Variants in GCNT2 observed in about 807,000 individuals in gnomAD.
GCNT2 encodes the protein glucosaminyl (N-acetyl) transferase 2 (I blood group).
Under a neutral mutation model 34.2 loss-of-function variants are expected in GCNT2, and 34 were observed. The ratio of observed to expected loss-of-function variants is 1.00; its 90% confidence interval spans 0.76 to 1.32. The LOEUF (loss-of-function observed/expected upper bound fraction) is 1.32, where lower values mean the gene tolerates loss of function less well. GCNT2 is among the 40% of genes most tolerant of loss of function. The probability of loss-of-function intolerance (pLI) is 0.00; values close to 1 mark genes in which losing one functional copy is unlikely to be tolerated. For synonymous variants in GCNT2, 212 were observed against 188.0 expected (o/e 1.13, Z -1.04); for missense variants, 584 against 489.4 (o/e 1.19, Z -1.82).
At chr6:10,621,884 C>A (rs918665039) in intron 4 of GCNT2, among the ~76,000 whole-genome samples, 2 of 151,304 alleles carry the variant, frequency 1.3e-5, no homozygotes, top group African/African-American at 4.9e-5. Flanking sequence ...TTTTTTTTTT[C>A]TTGTAGAGTC....
intron 3 of GCNT2, among the ~76,000 whole-genome samples, chr6:10,568,094 G>A (rs144492445): frequency 1.2e-4 from 18 of 152,166 alleles, no homozygotes; most frequent in South Asian, 4.1e-4. Context: ...AGTTTACTTC[G>A]TGGCTCTTGC....
intron 1 of GCNT2, among the ~76,000 whole-genome samples, chr6:10,524,960 A>G (rs1761117122): frequency 6.6e-6 from 1 of 152,124 alleles, no homozygotes; most frequent in African/African-American, 2.4e-5. Flanking sequence ...ACAGACACTG[A>G]GAAAGTTTCC....
intron 3 of GCNT2, among the ~76,000 whole-genome samples, chr6:10,568,217 G>A (rs937197382): frequency 1.2e-4 from 18 of 151,794 alleles, no homozygotes; most frequent in African/African-American, 4.4e-4. Flanking sequence ...ACATCTCCTT[G>A]TTTTTTGGAT....
intron 3 of GCNT2, among the ~76,000 whole-genome samples, chr6:10,592,492 T>C (rs547404011): frequency 3.3e-5 from 5 of 152,272 alleles, no homozygotes; most frequent in South Asian, 2.1e-4. Context: ...CATCATAAGA[T>C]GCTGGGCTCC....
At chr6:10,621,225 T>C (rs1487623676) in intron 3 of GCNT2, 126 bp from the exon 4 acceptor site, 4 of 714,936 alleles carry the variant, frequency 5.6e-6, no homozygotes, top group Non-Finnish European at 1.0e-5. Flanking sequence ...TACATACCAA[T>C]CTGTGTGAAA....
chr6:10,600,957 A>G (rs1765065295), intron 3 of GCNT2, among the ~76,000 whole-genome samples: 1 of 151,770 alleles, frequency 6.6e-6, no homozygotes, highest in African/African-American at 2.4e-5. Context: ...CACCCAGCAA[A>G]TTTTTTGTAT....
At chr6:10,625,193 T>C (rs1766205437) in intron 4 of GCNT2, among the ~76,000 whole-genome samples, 1 of 152,238 alleles carries the variant, frequency 6.6e-6, no homozygotes, top group African/African-American at 2.4e-5. Context: ...TCACAGACAT[T>C]AACTTTGAAC....
At chr6:10,584,549 G>A (rs112830753) in intron 3 of GCNT2, among the ~76,000 whole-genome samples, 4 of 152,192 alleles carry the variant, frequency 2.6e-5, no homozygotes, top group Non-Finnish European at 4.4e-5. Flanking sequence ...CCCTTCCCAC[G>A]AGGCCGTATC....
At chr6:10,549,905 A>G (rs1175487533) in intron 3 of GCNT2, among the ~76,000 whole-genome samples, 2 of 152,118 alleles carry the variant, frequency 1.3e-5, no homozygotes, top group South Asian at 2.1e-4. Context: ...TCTCATTTAA[A>G]TATAAGCACC....
At chr6:10,564,640 C>T (rs1437210053) in intron 3 of GCNT2, among the ~76,000 whole-genome samples, 1 of 152,224 alleles carries the variant, frequency 6.6e-6, no homozygotes, top group Non-Finnish European at 1.5e-5. Flanking sequence ...GGCTCTGTCA[C>T]TTAGAAGTTG....
chr6:10,539,175 C>T (rs1012737781), intron 3 of GCNT2, among the ~76,000 whole-genome samples: 4 of 91,876 alleles, frequency 4.4e-5, no homozygotes, highest in East Asian at 4.7e-4. Flanking sequence ...TACAGCTCAC[C>T]GTCTCTTTTT....
chr6:10,621,226 CTG>C (rs1271715492), intron 3 of GCNT2, 123 bp from the exon 4 acceptor site: 2 of 716,232 alleles, frequency 2.8e-6, no homozygotes, highest in East Asian at 2.8e-5. Context: ...ACATACCAAT[CTG>C]TGTGAAATGC....
chr6:10,539,180 C>CTTTTTTTTTTTTTTT lies in GCNT2; in HGVS notation c.925+9356_925+9370dup, dbSNP rs71548847. Among the ~76,000 whole-genome samples, 22 of 65,328 alleles carry CTTTTTTTTTTTTTTT rather than the reference C, an allele frequency of 3.4e-4. 3 individuals carry two copies. The highest frequency in any genetic ancestry group is 6.1e-4 in the Non-Finnish European group (22 of 36,198). The allele number at this position is 65,328 out of a possible 152,430, so 42.9% of individuals were successfully genotyped here. On this transcript the variant is annotated intron_variant, in intron 3 of 4. Coordinates refer to ENST00000495262, the MANE Select transcript of GCNT2 (RefSeq NM_145649.5). ...AGCCTATCTCTACAGCTCACCGTCT[C>CTTTTTTTTTTTTTTT]TTTTTTTTTTTTTTTTTTTTTTTTT... is the stretch of plus-strand genomic sequence containing the variant.
intron 3 of GCNT2, chr6:10,556,796 CA>C (rs1762730428): frequency 6.2e-7 from 1 of 1,614,124 alleles, no homozygotes; most frequent in Non-Finnish European, 8.5e-7. Context: ...CTACTGTGTT[CA>C]TGTGGATGAA....
In GCNT2 at chr6:10,529,037, T is replaced by G. The variant is rs781251026; in HGVS notation, c.126T>G (p.Ala42=). Residue 42 remains alanine, a synonymous_variant, in exon 3 of 5, where the codon GCT becomes GCG. Transcript: ENST00000495262. The part of the protein sequence containing the change: ...KRFLRAALSN[A]SLLAEACHQI... ...TTCTGAGGGCAGCTCTGTCCAATGC[T>G]TCACTGTTAGCAGAAGCCTGTCATC... 4 of 1,614,054 alleles carry G rather than the reference T, an allele frequency of 2.5e-6. No individual in the cohort carries two copies. In the African/African-American group the frequency reaches 5.3e-5, roughly 22 times the overall value.
chr6:10,574,765 G>T, intron 3 of GCNT2: 1 of 584,878 alleles, frequency 1.7e-6, no homozygotes. Flanking sequence ...GAATTCGTAG[G>T]GAAGAGGTTC....
At chr6:10,606,948 T>G (rs1765349070) in intron 3 of GCNT2, among the ~76,000 whole-genome samples, 1 of 151,900 alleles carries the variant, frequency 6.6e-6, no homozygotes, top group African/African-American at 2.4e-5. Context: ...TTATTTATTT[T>G]TATTATTTAT....
At chr6:10,586,746 T>G (rs1764368863) in intron 3 of GCNT2, 1 of 1,614,158 alleles carries the variant, frequency 6.2e-7, no homozygotes, top group Non-Finnish European at 8.5e-7. Context: ...TTTGAAAACT[T>G]CACCTCCACA....
At chr6:10,546,826 T>A (rs1459314674) in intron 3 of GCNT2, among the ~76,000 whole-genome samples, 1 of 152,114 alleles carries the variant, frequency 6.6e-6, no homozygotes, top group Non-Finnish European at 1.5e-5. Flanking sequence ...TTAAGAAAAA[T>A]AAAACATGTC....
Sources: allele counts gnomAD v4.1 joint callset (sites outside exome capture counted in the v4.1 genomes callset), GRCh38; gene constraint gnomAD v4.1.1; transcripts MANE v1.5; gene names NCBI Gene and HGNC (gene_info 2026-07-23, HGNC 2026-07-21).